Variants in STON1 observed in about 807,000 individuals in gnomAD.
STON1 encodes stonin 1.
Under a neutral mutation model 60.9 loss-of-function variants are expected in STON1, and 79 were observed. The observed-to-expected ratio is 1.30, with a 90% CI of 1.08 to 1.56. The LOEUF is 1.56. Ranked by LOEUF, STON1 falls within the 40% of genes most tolerant of loss-of-function variation. The pLI is 0.00. For missense variants in STON1, 1,166 were observed against 858.9 expected, an observed-to-expected ratio of 1.36 and a Z score of -4.47; for synonymous variants, 363 against 306.9, an observed-to-expected ratio of 1.18 and a Z score of -1.91.
At chr2:48,544,568 C>T (rs972814753) in intron 1 of STON1, among the ~76,000 whole-genome samples, 2 of 152,008 alleles carry the variant, frequency 1.3e-5, no homozygotes, top group African/African-American at 4.8e-5. Context: ...TTTTTTGAGA[C>T]AGAGTCTTGC....
intron 2 of STON1, among the ~76,000 whole-genome samples, chr2:48,590,855 A>G (rs1674475649): frequency 6.6e-6 from 1 of 152,224 alleles, no homozygotes; most frequent in African/African-American, 2.4e-5. Flanking sequence ...TGGAAGGATG[A>G]GTGAGAATTA....
chr2:48,540,748 G>C (rs1441775313), intron 1 of STON1, among the ~76,000 whole-genome samples: 4 of 152,192 alleles, frequency 2.6e-5, no homozygotes, highest in Non-Finnish European at 4.4e-5. Flanking sequence ...GCTCAGACTT[G>C]TGACTGGCAT....
At chr2:48,574,001 G>A (rs1191043871) in intron 1 of STON1, among the ~76,000 whole-genome samples, 1 of 152,188 alleles carries the variant, frequency 6.6e-6, no homozygotes, top group Non-Finnish European at 1.5e-5. Context: ...TAGTTTAGTG[G>A]TTTCCAGGGC....
Position 48,581,051 on chromosome 2 carries a change from C to T in STON1, c.418C>T (p.His140Tyr). The T allele has an allele frequency of 6.3e-7, 1 of 1,580,674 alleles. No individual in the cohort carries two copies. Among genetic ancestry groups the T allele is most frequent in the Non-Finnish European group, 8.6e-7 (1 of 1,167,104 alleles). Residue 140 changes from histidine (H) to tyrosine (Y), a missense_variant, in exon 2 of 4, where the codon CAC becomes TAC. His to Tyr is a moderately conservative substitution (Grantham distance 83, BLOSUM62 2). Coordinates refer to ENST00000404752, the MANE Select transcript of STON1 (RefSeq NM_006873.4). Reference sequence around the variant, plus strand: ...ATCCCATGCCTTGTTACCCAGTGACCACTCATGTACACATCCAACTCCCAA... The same window carrying T: ...ATCCCATGCCTTGTTACCCAGTGACTACTCATGTACACATCCAACTCCCAA... ...CLSHALLPSD[H>Y]SCTHPTPKVG...
At chr2:48,559,641 A>G (rs1672527924) in intron 1 of STON1, among the ~76,000 whole-genome samples, 1 of 152,216 alleles carries the variant, frequency 6.6e-6, no homozygotes, top group African/African-American at 2.4e-5. Flanking sequence ...GGCTCAGGGA[A>G]TTGAAGTAAC....
At position 48,595,245 on chromosome 2, in the gene STON1, G is replaced by C; in HGVS notation, c.2151G>C (p.Lys717Asn). 2 of 1,613,854 alleles carry C rather than the reference G, an allele frequency of 1.2e-6. No homozygotes were observed. The highest frequency in any genetic ancestry group is 1.7e-6 in the Non-Finnish European group (2 of 1,179,786). The change falls in exon 4 of 4, where the codon AAG (lysine) becomes AAC (asparagine). Residue 717 changes from lysine (K) to asparagine (N), a missense_variant. Lys to Asn is a moderately conservative substitution (Grantham distance 94). Transcript: ENST00000404752. ...CATAACAGGTTGAAATAGAAAAGAA[G>C]TGGATTAAAATCGATGGAGAAGACC... ...CYNIQVEIEK[K>N]WIKIDGEDPD... is the part of the protein sequence containing the mutation.
chr2:48,559,569 C>T lies in STON1; in HGVS notation c.-47-21018C>T, dbSNP rs538148671. Among the ~76,000 whole-genome samples, 7 of 152,266 alleles carry T rather than the reference C, an allele frequency of 4.6e-5. No homozygotes were observed. The South Asian group carries it at 1.5e-3, about 32-fold the overall frequency. ...GTTTCAGCATATGAATTTTGGGAGACATAAACATCCAGAGCATAAACGTAA... is the reference window on the plus strand; with the variant it reads ...GTTTCAGCATATGAATTTTGGGAGATATAAACATCCAGAGCATAAACGTAA... On this transcript the variant is annotated intron_variant, in intron 1 of 3. Coordinates refer to ENST00000404752, the MANE Select transcript of STON1 (RefSeq NM_006873.4).
chr2:48,564,496 T>C (rs1558605011), intron 1 of STON1, among the ~76,000 whole-genome samples: 16 of 20,808 alleles, frequency 7.7e-4, no homozygotes, highest in South Asian at 2.6e-3. Flanking sequence ...CTTCTTCTTC[T>C]TCTTCTTCTT....
At chr2:48,562,682 T>C (rs753879878) in intron 1 of STON1, among the ~76,000 whole-genome samples, 3 of 152,216 alleles carry the variant, frequency 2.0e-5, no homozygotes, top group Non-Finnish European at 4.4e-5. Flanking sequence ...TCTGCCTTTT[T>C]GGGTTGAGCC....
At chr2:48,585,596 C>G (rs1674164052) in intron 2 of STON1, among the ~76,000 whole-genome samples, 1 of 152,184 alleles carries the variant, frequency 6.6e-6, no homozygotes, top group South Asian at 2.1e-4. Context: ...GAACCATTTG[C>G]ATCATCATGC....
At chr2:48,564,071 A>T (rs973266053) in intron 1 of STON1, among the ~76,000 whole-genome samples, 1 of 152,096 alleles carries the variant, frequency 6.6e-6, no homozygotes, top group African/African-American at 2.4e-5. Context: ...TCTGGGAAGG[A>T]TTGCCATGAA....
rs753312219 is a variant in STON1 at position 48,581,076 on chromosome 2, A to T, written c.443A>T (p.Lys148Ile). Reference sequence around the variant, plus strand: ...CACTCATGTACACATCCAACTCCCAAAGTAGGTCTTCCAGATGAAGTTAAT... The same window carrying T: ...CACTCATGTACACATCCAACTCCCATAGTAGGTCTTCCAGATGAAGTTAAT... ...SDHSCTHPTPKVGLPDEVNPQ... is the reference protein window; with the variant it reads ...SDHSCTHPTPIVGLPDEVNPQ... Residue 148 changes from lysine (K) to isoleucine (I), a missense_variant, in exon 2 of 4, where the codon AAA becomes ATA. Physicochemically the swap from Lys to Ile is moderately radical, Grantham distance 102. Coordinates refer to ENST00000404752, the MANE Select transcript of STON1 (RefSeq NM_006873.4). 1.7e-5 allele frequency: 28 copies of T among 1,600,050 alleles called. No homozygotes were observed. Among genetic ancestry groups the T allele is most frequent in the Non-Finnish European group, 2.2e-5 (26 of 1,174,634 alleles).
At chr2:48,558,849 ATTTGTTG>A (rs1672494652) in intron 1 of STON1, among the ~76,000 whole-genome samples, 1 of 152,068 alleles carries the variant, frequency 6.6e-6, no homozygotes, top group South Asian at 2.1e-4. Context: ...TTTATCTTTC[ATTTGTTG>A]TTTTCTCTGG....
chr2:48,554,488 G>T (rs1672228134), intron 1 of STON1, among the ~76,000 whole-genome samples: 1 of 152,176 alleles, frequency 6.6e-6, no homozygotes, highest in Admixed American at 6.5e-5. Flanking sequence ...CTCCCAAAGT[G>T]CTAGGATTAC....
At chr2:48,532,346 CTAAATAAA>C (rs10564346) in intron 1 of STON1, among the ~76,000 whole-genome samples, 12,552 of 134,406 alleles carry the variant, frequency 0.093, 675 homozygotes, top group Non-Finnish European at 0.12. Flanking sequence ...AAGACTCTGT[CTAAATAAA>C]TAAATAAATA....
At chr2:48,592,990 C>T (rs979325913) in intron 3 of STON1, among the ~76,000 whole-genome samples, 1 of 152,148 alleles carries the variant, frequency 6.6e-6, no homozygotes, top group Non-Finnish European at 1.5e-5. Context: ...GGAGGACATA[C>T]ACTTACATCT....
chr2:48,544,468 G>C (rs1031765425), intron 1 of STON1, among the ~76,000 whole-genome samples: 1 of 152,174 alleles, frequency 6.6e-6, no homozygotes, highest in Non-Finnish European at 1.5e-5. Flanking sequence ...TTTCTTCCTA[G>C]CTTATGGTAA....
chr2:48,550,417 A>G (rs1241677125), intron 1 of STON1, among the ~76,000 whole-genome samples: 2 of 151,364 alleles, frequency 1.3e-5, no homozygotes, highest in East Asian at 3.9e-4. Context: ...GAATTGCTTG[A>G]ACCTAGGAGG....
At chr2:48,572,923 G>T (rs117520968) in intron 1 of STON1, among the ~76,000 whole-genome samples, 1 of 152,200 alleles carries the variant, frequency 6.6e-6, no homozygotes, top group Non-Finnish European at 1.5e-5. Context: ...CAGTGAAATG[G>T]CCTCCAGGGA....
Sources: gnomAD v4.1 joint callset for allele counts (sites outside exome capture counted in the v4.1 genomes callset) on GRCh38, gnomAD v4.1.1 for gene constraint, MANE v1.5 for transcripts, NCBI Gene and HGNC (gene_info 2026-07-23, HGNC 2026-07-21) for gene names.